Variants in FBXL17 observed in about 807,000 individuals in gnomAD.
The protein encoded by FBXL17 is F-box and leucine rich repeat protein 17.
A neutral mutation model predicts 66.2 loss-of-function variants in FBXL17; 22 were observed. The observed-to-expected ratio is 0.33, with a 90% confidence interval of 0.24 to 0.47. The LOEUF (loss-of-function observed/expected upper bound fraction) is 0.47. FBXL17 is among the 20% of genes least tolerant of loss of function. The probability of loss-of-function intolerance (pLI) is 1.00; values close to 1 mark genes in which losing one functional copy is unlikely to be tolerated. For synonymous variants in FBXL17, 474 were observed against 400.5 expected, an observed-to-expected ratio of 1.18 and a Z score of -2.19; for missense variants, 878 against 948.2, an observed-to-expected ratio of 0.93 and a Z score of 0.97.
chr5:108,324,661 T>C (rs904647409), intron 4 of FBXL17, among the ~76,000 whole-genome samples: 4 of 152,100 alleles, frequency 2.6e-5, no homozygotes, highest in Non-Finnish European at 4.4e-5. Context: ...TTACTTATAA[T>C]AGCCAAGAAG....
At chr5:108,257,079 C>T (rs1050771815) in intron 4 of FBXL17, among the ~76,000 whole-genome samples, 10 of 152,160 alleles carry the variant, frequency 6.6e-5, no homozygotes, top group African/African-American at 2.2e-4. Context: ...CACAAACTAC[C>T]TGGGCTTTAT....
intron 4 of FBXL17, among the ~76,000 whole-genome samples, chr5:108,327,392 CTTGAG>C: frequency 6.6e-6 from 1 of 152,234 alleles, no homozygotes; most frequent in East Asian, 1.9e-4. Flanking sequence ...AGCAAACTGA[CTTGAG>C]TTTTCTGCAA....
At chr5:108,320,883 T>C (rs945897558) in intron 4 of FBXL17, among the ~76,000 whole-genome samples, 2 of 151,784 alleles carry the variant, frequency 1.3e-5, no homozygotes, top group African/African-American at 4.8e-5. Flanking sequence ...CTGATTTTAA[T>C]TGGAAAAATC....
chr5:108,336,657 T>G (rs1000162176), intron 4 of FBXL17, among the ~76,000 whole-genome samples: 1 of 152,096 alleles, frequency 6.6e-6, no homozygotes, highest in Non-Finnish European at 1.5e-5. Context: ...TTAAAGACAT[T>G]AAGTTTCAAA....
At position 108,276,900 on chromosome 5, in the gene FBXL17, T is replaced by C. The variant is rs959182868; in HGVS notation, c.1507-52672A>G. ...TTAAAAACCATAAAACATAAGCCAA[T>C]GCATACCCTGGCTAATTTTTTCTCT... On this transcript the variant is annotated intron_variant, in intron 4 of 8. Coordinates refer to ENST00000542267, the MANE Select transcript of FBXL17 (RefSeq NM_001163315.3). Among the ~76,000 whole-genome samples the C allele has an allele frequency of 2.8e-4, 42 of 152,068 alleles. 1 individual carries two copies. Among genetic ancestry groups the C allele is most frequent in the Non-Finnish European group, 1.0e-4 (7 of 67,962 alleles).
At chr5:108,240,584 C>T (rs1246662482) in intron 4 of FBXL17, among the ~76,000 whole-genome samples, 2 of 152,116 alleles carry the variant, frequency 1.3e-5, no homozygotes, top group African/African-American at 4.8e-5. Context: ...GATTCCAGTC[C>T]CTAGACACCA....
chr5:108,320,227 C>T (rs760455373), intron 4 of FBXL17, among the ~76,000 whole-genome samples: 1 of 151,438 alleles, frequency 6.6e-6, no homozygotes, highest in Non-Finnish European at 1.5e-5. Flanking sequence ...TTCTTTAAGC[C>T]AGCAGCATAC....
At chr5:107,937,267 G>A (rs1200205258) in intron 7 of FBXL17, among the ~76,000 whole-genome samples, 2 of 152,090 alleles carry the variant, frequency 1.3e-5, no homozygotes, top group Non-Finnish European at 2.9e-5. Flanking sequence ...AGTCACCAAT[G>A]GGTGAAGCAG....
At chr5:108,335,638 ATGCACACACTAGAC>A (rs1457497892) in intron 4 of FBXL17, among the ~76,000 whole-genome samples, 1 of 152,134 alleles carries the variant, frequency 6.6e-6, no homozygotes, top group Non-Finnish European at 1.5e-5. Flanking sequence ...CACTAGGCAA[ATGCACACACTAGAC>A]TGAAAATGAT....
chr5:107,979,144 C>T (rs1752706733), intron 7 of FBXL17, among the ~76,000 whole-genome samples: 1 of 152,066 alleles, frequency 6.6e-6, no homozygotes, highest in Admixed American at 6.6e-5. Context: ...ATGTATAAGT[C>T]AATAAACTTA....
At chr5:108,207,305 T>C (rs112744774) in intron 5 of FBXL17, among the ~76,000 whole-genome samples, 11 of 152,222 alleles carry the variant, frequency 7.2e-5, no homozygotes, top group African/African-American at 2.6e-4. Flanking sequence ...TTTCTCTAAA[T>C]TCTCACCAAC....
chr5:108,281,190 A>G (rs1275011748), intron 4 of FBXL17, among the ~76,000 whole-genome samples: 1 of 151,986 alleles, frequency 6.6e-6, no homozygotes, highest in South Asian at 2.1e-4. Context: ...TTTACATAAC[A>G]TTCTGCCCAA....
At position 108,366,918 on chromosome 5, in the gene FBXL17, G is replaced by A. The variant is rs1026652051; in HGVS notation, c.1116+913C>T. Among the ~76,000 whole-genome samples the A allele has an allele frequency of 4.6e-5, 7 of 152,210 alleles. No individual in the cohort carries two copies. The South Asian group carries it at 6.2e-4, about 14-fold the overall frequency. ...ACTACCAGTGTGCTGGAGTTGGCTTGTAGCACCTCACAAGAGTTTATAGTG... is the reference window on the plus strand; with the variant it reads ...ACTACCAGTGTGCTGGAGTTGGCTTATAGCACCTCACAAGAGTTTATAGTG... On this transcript the variant is annotated intron_variant, in intron 2 of 8. Transcript: ENST00000542267.
chr5:108,248,858 T>G (rs115846809), intron 4 of FBXL17, among the ~76,000 whole-genome samples: 1 of 152,032 alleles, frequency 6.6e-6, no homozygotes, highest in Non-Finnish European at 1.5e-5. Flanking sequence ...AAAAATATCC[T>G]TCAGGAATGA....
chr5:107,953,273 G>A (rs1235829043), intron 7 of FBXL17, among the ~76,000 whole-genome samples: 3 of 151,724 alleles, frequency 2.0e-5, no homozygotes, highest in Admixed American at 6.6e-5. Flanking sequence ...GCGTGCTGGC[G>A]GGCGCCTTAG....
intron 6 of FBXL17, among the ~76,000 whole-genome samples, chr5:108,026,361 T>C (rs569635244): frequency 2.8e-4 from 43 of 152,314 alleles, no homozygotes; most frequent in African/African-American, 1.0e-3. Flanking sequence ...ACATGACAGA[T>C]GGTATCAAGG....
intron 4 of FBXL17, among the ~76,000 whole-genome samples, chr5:108,272,617 G>C (rs1411873049): frequency 2.0e-5 from 3 of 152,094 alleles, no homozygotes; most frequent in African/African-American, 7.2e-5. Context: ...GTCTCCCAAA[G>C]TGCTGGGATT....
intron 4 of FBXL17, among the ~76,000 whole-genome samples, chr5:108,234,064 A>G (rs1174299669): frequency 6.6e-6 from 1 of 152,134 alleles, no homozygotes; most frequent in Non-Finnish European, 1.5e-5. Flanking sequence ...TGTGGCAGAA[A>G]TGGCCATATA....
At chr5:107,907,944 G>T (rs1443092442) in intron 7 of FBXL17, among the ~76,000 whole-genome samples, 2 of 152,146 alleles carry the variant, frequency 1.3e-5, no homozygotes, top group Non-Finnish European at 2.9e-5. Context: ...CCCATTACTG[G>T]ATATATACCC....
Sources: gnomAD v4.1 joint callset for allele counts (sites outside exome capture counted in the v4.1 genomes callset) on GRCh38, gnomAD v4.1.1 for gene constraint, MANE v1.5 for transcripts, NCBI Gene and HGNC (gene_info 2026-07-23, HGNC 2026-07-21) for gene names.